Variants in ARHGEF10 observed in about 807,000 individuals in gnomAD.
The protein encoded by ARHGEF10 is Rho guanine nucleotide exchange factor (GEF) 10.
ARHGEF10 carries 140 observed loss-of-function variants against 147.4 expected under a neutral mutation model. The ratio of observed to expected loss-of-function variants is 0.95; its 90% confidence interval spans 0.83 to 1.09. ARHGEF10 has a LOEUF of 1.09. Ranked by LOEUF, ARHGEF10 falls within the 50% of genes least tolerant of loss-of-function variation. The pLI is 0.00. For synonymous variants in ARHGEF10, 902 were observed against 695.8 expected (o/e 1.30, Z -4.67); for missense variants, 2,222 against 1,752.7 (o/e 1.27, Z -4.78).
At chr8:1,890,485 G>T (rs1017680356) in intron 11 of ARHGEF10, among the ~76,000 whole-genome samples, 1 of 151,070 alleles carries the variant, frequency 6.6e-6, no homozygotes, top group African/African-American at 2.5e-5. Flanking sequence ...ACACTGAGTG[G>T]GGTGAGGGTT....
intron 27 of ARHGEF10, among the ~76,000 whole-genome samples, chr8:1,949,386 C>A (rs1483177690): frequency 2.0e-5 from 3 of 152,178 alleles, no homozygotes; most frequent in Admixed American, 2.0e-4. Context: ...CTGTGATTAA[C>A]ATACACATTC....
intron 26 of ARHGEF10, among the ~76,000 whole-genome samples, chr8:1,939,660 T>C (rs1813919431): frequency 6.6e-6 from 1 of 152,178 alleles, no homozygotes; most frequent in African/African-American, 2.4e-5. Context: ...AGGGATTCAC[T>C]AGGAGAAAAA....
intron 26 of ARHGEF10, among the ~76,000 whole-genome samples, chr8:1,944,514 G>C (rs776875168): frequency 9.9e-5 from 15 of 152,238 alleles, no homozygotes; most frequent in Non-Finnish European, 1.9e-4. Context: ...GGTGCCACGG[G>C]GCATGTGTGT....
intron 3 of ARHGEF10, among the ~76,000 whole-genome samples, chr8:1,858,350 C>G (rs552637164): frequency 6.6e-6 from 1 of 152,288 alleles, no homozygotes; most frequent in Admixed American, 6.5e-5. Context: ...ATTCTTACGG[C>G]CCAATTGGAA....
At chr8:1,912,146 G>C (rs2129187714) in intron 18 of ARHGEF10, among the ~76,000 whole-genome samples, 1 of 152,310 alleles carries the variant, frequency 6.6e-6, no homozygotes, top group Non-Finnish European at 1.5e-5. Context: ...CTGCAGCAGG[G>C]AGCTCCCTGT....
chr8:1,926,355 G>T, intron 22 of ARHGEF10, 22 bp from the exon 23 acceptor site: 1 of 1,598,242 alleles, frequency 6.3e-7, no homozygotes, highest in Non-Finnish European at 8.6e-7. Flanking sequence ...ATATGTGAGC[G>T]TTTGATTTTA....
intron 16 of ARHGEF10, chr8:1,903,721 G>C: frequency 1.9e-6 from 1 of 536,246 alleles, no homozygotes; most frequent in Non-Finnish European, 3.3e-6. Flanking sequence ...ACCTCCCAAG[G>C]GGTTAAGAGC....
Position 1,928,412 on chromosome 8 carries a change from A to C in ARHGEF10, c.2698-15A>C. On this transcript the variant is annotated splice_polypyrimidine_tract_variant and intron_variant, in intron 23 of 28. Coordinates refer to ENST00000349830, the MANE Select transcript of ARHGEF10 (RefSeq NM_014629.4). The stretch of plus-strand genomic sequence containing the variant: ...CATGGTCGTTTTCTTCTTTCCTCCT[A>C]ATTCTCTGATTCAGATCGGAAGTTG... 6.2e-7 allele frequency: 1 copy of C among 1,612,206 alleles called. No individual in the cohort carries two copies. The highest frequency in any genetic ancestry group is 8.5e-7 in the Non-Finnish European group (1 of 1,178,370).
intron 27 of ARHGEF10, 112 bp downstream of exon 27, chr8:1,945,767 A>T: frequency 2.0e-6 from 3 of 1,465,134 alleles, no homozygotes; most frequent in Non-Finnish European, 2.9e-6. Flanking sequence ...CACTGTTCAC[A>T]ACATGCTGCC....
chr8:1,828,402 C>T (rs559587514), intron 1 of ARHGEF10, among the ~76,000 whole-genome samples: 1 of 151,948 alleles, frequency 6.6e-6, no homozygotes, highest in Non-Finnish European at 1.5e-5. Flanking sequence ...GGCATGCACA[C>T]TTACTGTTTT....
chr8:1,929,950 C>G (rs1187416801), intron 25 of ARHGEF10, among the ~76,000 whole-genome samples: 1 of 152,172 alleles, frequency 6.6e-6, no homozygotes, highest in Non-Finnish European at 1.5e-5. Context: ...CTGGTCCCCG[C>G]AGCCGCTGGG....
At chr8:1,882,516 C>A in intron 9 of ARHGEF10, 119 bp from the exon 10 acceptor site, 2 of 870,468 alleles carry the variant, frequency 2.3e-6, no homozygotes, top group Non-Finnish European at 3.8e-6. Flanking sequence ...CAGAACTGCA[C>A]GTGACACATG....
At chr8:1,943,792 C>T (rs111441314) in intron 26 of ARHGEF10, 2 of 152,152 alleles carry the variant, frequency 1.3e-5, no homozygotes, top group African/African-American at 4.8e-5. Context: ...GAGGAAACTA[C>T]GGGCATATGG....
rs61583641 is a variant in ARHGEF10 at position 1,868,739 on chromosome 8, C to G, written c.623-455C>G. On this transcript the variant is annotated intron_variant, in intron 6 of 28. Coordinates refer to ENST00000349830, the MANE Select transcript of ARHGEF10 (RefSeq NM_014629.4). ...CCATTGTATCCAGCACTGATGGGCT[C>G]TTTTCTTATTTCTGGAAGTCTGTGT... is the stretch of plus-strand genomic sequence containing the variant. 3.0e-3 allele frequency among the ~76,000 whole-genome samples: 455 copies of G among 152,270 alleles called. 1 individual carries two copies. Among genetic ancestry groups the G allele is most frequent in the African/African-American group, 9.8e-3 (407 of 41,560 alleles).
At chr8:1,888,193 C>CT (rs1563233882) in intron 11 of ARHGEF10, among the ~76,000 whole-genome samples, 1 of 28,882 alleles carries the variant, frequency 3.5e-5, no homozygotes, top group African/African-American at 2.6e-4. Flanking sequence ...TGAGGGTTTG[C>CT]GAGGAGACAC....
At chr8:1,901,401 C>T (rs1019309567) in intron 15 of ARHGEF10, among the ~76,000 whole-genome samples, 29 of 152,292 alleles carry the variant, frequency 1.9e-4, no homozygotes, top group African/African-American at 6.7e-4. Flanking sequence ...GCTGTGAAGC[C>T]ACAGCTGTCC....
intron 1 of ARHGEF10, among the ~76,000 whole-genome samples, chr8:1,841,494 G>C (rs952408679): frequency 5.3e-5 from 8 of 152,158 alleles, no homozygotes; most frequent in Non-Finnish European, 8.8e-5. Flanking sequence ...TTAAGCTACA[G>C]AGTGTGTTAC....
intron 25 of ARHGEF10, among the ~76,000 whole-genome samples, chr8:1,930,850 G>A (rs1290948588): frequency 3.3e-5 from 5 of 152,234 alleles, no homozygotes; most frequent in Non-Finnish European, 7.3e-5. Flanking sequence ...GTAAGCACAG[G>A]AGCCGCTCCT....
In ARHGEF10 at chr8:1,842,433, G is replaced by A. The variant is rs187818012; in HGVS notation, c.-47-920G>A. Reference sequence around the variant, plus strand: ...TCTTGGCAGCCTGCCATCCCCTCGCGTTCCCCTCATTGAATAGTACGTGAG... The same window carrying A: ...TCTTGGCAGCCTGCCATCCCCTCGCATTCCCCTCATTGAATAGTACGTGAG... On this transcript the variant is annotated intron_variant, in intron 1 of 28. Transcript: ENST00000349830. 6.5e-4 allele frequency among the ~76,000 whole-genome samples: 99 copies of A among 152,270 alleles called. 2 individuals carry two copies. In the East Asian group the frequency reaches 0.017, roughly 27 times the overall value.
Sources: allele counts gnomAD v4.1 joint callset (sites outside exome capture counted in the v4.1 genomes callset), GRCh38; gene constraint gnomAD v4.1.1; transcripts MANE v1.5; gene names NCBI Gene and HGNC (gene_info 2026-07-23, HGNC 2026-07-21).